The following PPP1R12A variants were observed in gnomAD, a reference collection of about 807,000 sequenced individuals.
The protein encoded by PPP1R12A is myosin binding subunit.
Under a neutral mutation model 139.6 loss-of-function variants are expected in PPP1R12A, and 19 were observed. The observed-to-expected ratio is 0.14, with a 90% CI of 0.09 to 0.20. The LOEUF (loss-of-function observed/expected upper bound fraction) is 0.20. Among genes scored for constraint, PPP1R12A ranks in the 10% least tolerant of loss-of-function variants. The pLI is 1.00. For synonymous variants in PPP1R12A, 427 were observed against 420.6 expected (o/e 1.02, Z -0.19); for missense variants, 925 against 1,211.5 (o/e 0.76, Z 3.51).
intron 2 of PPP1R12A, among the ~76,000 whole-genome samples, chr12:79,861,878 G>A (rs1332096300): frequency 1.3e-5 from 2 of 152,166 alleles, no homozygotes; most frequent in Non-Finnish European, 2.9e-5. Flanking sequence ...CCACTCTGGG[G>A]GCAGGGCATA....
At chr12:79,777,603 C>T (rs1314233182) in intron 24 of PPP1R12A, 10 of 985,088 alleles carry the variant, frequency 1.0e-5, no homozygotes, top group African/African-American at 7.0e-5. Flanking sequence ...AGTCAGCAGT[C>T]GCTCATTTAA....
intron 2 of PPP1R12A, among the ~76,000 whole-genome samples, chr12:79,859,354 GAA>G (rs1160349807): frequency 5.0e-5 from 2 of 40,166 alleles, no homozygotes; most frequent in African/African-American, 1.4e-4. Context: ...AAAAAAGAAA[GAA>G]AAAAAAAAAA....
chr12:79,879,416 A>T (rs1383479767), intron 1 of PPP1R12A, among the ~76,000 whole-genome samples: 1 of 152,196 alleles, frequency 6.6e-6, no homozygotes, highest in Non-Finnish European at 1.5e-5. Flanking sequence ...AAATTCACAC[A>T]ACCACTTCAG....
At chr12:79,778,745 A>G in intron 23 of PPP1R12A, 145 bp from the exon 24 acceptor site, 1 of 466,778 alleles carries the variant, frequency 2.1e-6, no homozygotes, top group Non-Finnish European at 3.6e-6. Context: ...ATATGTAAAG[A>G]GCTTTCCAAA....
chr12:79,816,036 C>T (rs1875342739), intron 9 of PPP1R12A, among the ~76,000 whole-genome samples: 1 of 151,892 alleles, frequency 6.6e-6, no homozygotes, highest in African/African-American at 2.4e-5. Context: ...TTTTGACCAC[C>T]TAAAGCCAAA....
At chr12:79,845,525 G>A in intron 2 of PPP1R12A, 105 bp from the exon 3 acceptor site, 2 of 774,596 alleles carry the variant, frequency 2.6e-6, no homozygotes, top group Non-Finnish European at 4.2e-6. Flanking sequence ...GCAATAAAGG[G>A]CAGTATATAC....
At chr12:79,777,178 A>G in intron 24 of PPP1R12A, 1 of 895,352 alleles carries the variant, frequency 1.1e-6, no homozygotes, top group Non-Finnish European at 1.3e-6. Flanking sequence ...GTAAAATGTT[A>G]TATACTGTTG....
At chr12:79,781,126 T>G (rs1156454791) in intron 23 of PPP1R12A, among the ~76,000 whole-genome samples, 1 of 152,172 alleles carries the variant, frequency 6.6e-6, no homozygotes, top group East Asian at 1.9e-4. Context: ...CCTTTAACTT[T>G]TGGATCATTT....
In PPP1R12A at chr12:79,774,450, A is replaced by C. The variant is rs1204230498; in HGVS notation, c.*1479T>G. 1 of 152,596 alleles carries C rather than the reference A, an allele frequency of 6.6e-6. No homozygotes were observed. Among genetic ancestry groups the C allele is most frequent in the Non-Finnish European group, 1.5e-5 (1 of 67,986 alleles). The allele number at this position is 152,596 out of a possible 1,614,324, so 9.5% of individuals were successfully genotyped here. ...AGTATACAATACAATCAATAATACAATCAGCTACTATAAGCTTTACAATGT... is the reference window on the plus strand; with the variant it reads ...AGTATACAATACAATCAATAATACACTCAGCTACTATAAGCTTTACAATGT... On this transcript the variant is annotated 3_prime_UTR_variant, in exon 25 of 25. Coordinates refer to ENST00000450142, the MANE Select transcript of PPP1R12A (RefSeq NM_002480.3).
chr12:79,821,189 GA>G, intron 6 of PPP1R12A, 23 bp from the exon 7 acceptor site: 1 of 1,519,316 alleles, frequency 6.6e-7, no homozygotes, highest in Middle Eastern at 1.8e-4. Flanking sequence ...TTATGCAAAG[GA>G]AAATAAGAAA....
chr12:79,808,432 G>A, intron 11 of PPP1R12A, 51 bp downstream of exon 11: 1 of 1,225,952 alleles, frequency 8.2e-7, no homozygotes, highest in East Asian at 2.3e-5. Flanking sequence ...TCTAATGCTA[G>A]ATAATAAAGA....
At chr12:79,783,412 GA>G (rs773629435) in intron 22 of PPP1R12A, among the ~76,000 whole-genome samples, 3 of 151,824 alleles carry the variant, frequency 2.0e-5, no homozygotes, top group Non-Finnish European at 2.9e-5. Context: ...AGGCTGCAGT[GA>G]GCCCTGACTG....
At chr12:79,893,187 T>C (rs1193041538) in intron 1 of PPP1R12A, among the ~76,000 whole-genome samples, 2 of 152,060 alleles carry the variant, frequency 1.3e-5, no homozygotes, top group African/African-American at 2.4e-5. Flanking sequence ...CCCTGAGTAA[T>C]GGATGACACA....
chr12:79,913,199 G>C (rs571363243), intron 1 of PPP1R12A, among the ~76,000 whole-genome samples: 1 of 152,200 alleles, frequency 6.6e-6, no homozygotes, highest in Non-Finnish European at 1.5e-5. Flanking sequence ...ATGTGCACAC[G>C]CATATGCACA....
chr12:79,826,870 C>T (rs978274193), intron 5 of PPP1R12A, among the ~76,000 whole-genome samples: 5 of 152,116 alleles, frequency 3.3e-5, no homozygotes, highest in Non-Finnish European at 5.9e-5. Flanking sequence ...TAGTTCTCAT[C>T]CGGAGGCTAC....
At chr12:79,848,261 A>T (rs931165194) in intron 2 of PPP1R12A, among the ~76,000 whole-genome samples, 7 of 152,206 alleles carry the variant, frequency 4.6e-5, no homozygotes, top group African/African-American at 7.2e-5. Flanking sequence ...CTACAAATAA[A>T]TAAATGAGTC....
intron 2 of PPP1R12A, among the ~76,000 whole-genome samples, chr12:79,853,335 G>A (rs1260875193): frequency 2.0e-5 from 3 of 152,174 alleles, no homozygotes; most frequent in African/African-American, 4.8e-5. Flanking sequence ...AATATATGAG[G>A]CTAAAAGAAA....
chr12:79,875,717 C>T (rs896935246), intron 1 of PPP1R12A, among the ~76,000 whole-genome samples: 3 of 152,016 alleles, frequency 2.0e-5, no homozygotes, highest in Admixed American at 1.3e-4. Flanking sequence ...ATTAAGAATC[C>T]GGAAGGATAT....
intron 1 of PPP1R12A, among the ~76,000 whole-genome samples, chr12:79,901,488 G>T (rs547640665): frequency 1.3e-5 from 2 of 151,998 alleles, no homozygotes; most frequent in African/African-American, 4.8e-5. Flanking sequence ...AACTTAACTT[G>T]GTCCTTGTTT....
Sources: allele counts gnomAD v4.1 joint callset (sites outside exome capture counted in the v4.1 genomes callset), GRCh38; gene constraint gnomAD v4.1.1; transcripts MANE v1.5; gene names NCBI Gene and HGNC (gene_info 2026-07-23, HGNC 2026-07-21).